TRAPPC8: variants seen among roughly 807,000 people sequenced by gnomAD.
The protein encoded by TRAPPC8 is general sporulation gene 1 homolog.
A neutral mutation model predicts 174.3 loss-of-function variants in TRAPPC8; 54 were observed. The ratio of observed to expected loss-of-function variants is 0.31; its 90% CI spans 0.25 to 0.39. The LOEUF is 0.39. TRAPPC8 is among the 10% of genes least tolerant of loss of function. The pLI is 1.00. For synonymous variants in TRAPPC8, 630 were observed against 579.9 expected (o/e 1.09, Z -1.24); for missense variants, 1,531 against 1,699.1 (o/e 0.90, Z 1.74).
In TRAPPC8 at chr18:31,890,886, G is replaced by A; in HGVS notation, c.1597-20C>T. 6.3e-7 allele frequency: 1 copy of A among 1,576,436 alleles called. No individual in the cohort carries two copies. The highest frequency in any genetic ancestry group is 8.6e-7 in the Non-Finnish European group (1 of 1,163,676). On this transcript the variant is annotated intron_variant, in intron 11 of 28. Coordinates refer to ENST00000283351, the MANE Select transcript of TRAPPC8 (RefSeq NM_014939.5). ...AGAATCCTAGTGAATGTTTAAAAGA[G>A]AAAAAGGTTAGTTTCACCAAGTTAA... is the stretch of plus-strand genomic sequence containing the variant.
intron 20 of TRAPPC8, among the ~76,000 whole-genome samples, chr18:31,857,322 G>A (rs2034074758): frequency 2.0e-5 from 3 of 152,130 alleles, no homozygotes; most frequent in Admixed American, 2.0e-4. Context: ...TTTACAGACA[G>A]AAGCAACTAA....
intron 12 of TRAPPC8, among the ~76,000 whole-genome samples, chr18:31,880,090 A>AAAAAAAAAAAAAAAT (rs1259899654): frequency 5.9e-5 from 5 of 85,358 alleles, no homozygotes; most frequent in African/African-American, 2.6e-4. Context: ...TGAAAAAAAA[A>AAAAAAAAAAAAAAAT]ATATATATAT....
rs1257877169 is a variant in TRAPPC8 at position 31,907,582 on chromosome 18, T to C, written c.1267A>G (p.Ile423Val). The C allele has an allele frequency of 1.2e-6, 2 of 1,611,148 alleles. No homozygotes were observed. The highest frequency in any genetic ancestry group is 8.5e-7 in the Non-Finnish European group (1 of 1,178,298). ...AAACATAAGTCAGCCATTTTCCTGA[T>C]TTGAAGTTCTGGTGCTTCCGGCGGA... The part of the protein sequence containing the change: ...LYPPEAPELQ[I>V]RKMADLCFLV... The change falls in exon 9 of 29, where the codon ATC becomes GTC. Residue 423 changes from isoleucine (I) to valine (V), a missense_variant. Ile to Val is a conservative substitution (Grantham distance 29). Transcript: ENST00000283351.
intron 16 of TRAPPC8, 73 bp downstream of exon 16, chr18:31,870,299 A>T: frequency 1.5e-6 from 2 of 1,373,370 alleles, no homozygotes; most frequent in Non-Finnish European, 2.0e-6. Flanking sequence ...TGAACAGAGT[A>T]CATTGAAATG....
At position 31,909,652 on chromosome 18, in the gene TRAPPC8, A is replaced by G. The variant is rs768741965; in HGVS notation, c.865+15T>C. On this transcript the variant is annotated intron_variant, in intron 6 of 28. Coordinates refer to ENST00000283351, the MANE Select transcript of TRAPPC8 (RefSeq NM_014939.5). ...TTTCAATCAAAAGAGAAACTTAGAG[A>G]AAATATATCAAGACCTTTGACTTCG... 1.9e-6 allele frequency: 3 copies of G among 1,586,348 alleles called. No individual in the cohort carries two copies. The highest frequency in any genetic ancestry group is 2.3e-5 in the South Asian group (2 of 85,500).
In TRAPPC8 at chr18:31,829,634, T is replaced by G. The variant is rs560395870; in HGVS notation, c.*1121A>C. The G allele has an allele frequency of 6.6e-6, 1 of 152,372 alleles. No individual in the cohort carries two copies. The highest frequency in any genetic ancestry group is 2.1e-4 in the South Asian group (1 of 4,832). 9.4% of individuals were successfully genotyped at this position (152,372 alleles called of 1,614,324 possible). A position where few individuals can be genotyped will look rare whatever the true frequency, so the allele number is the denominator to read the frequency against. ...GGGGTCTTTTGATCTCTCCCCACTT[T>G]GGTGCAGTCTGCTCCGATTAGTGCC... On this transcript the variant is annotated 3_prime_UTR_variant, in exon 29 of 29. Coordinates refer to ENST00000283351, the MANE Select transcript of TRAPPC8 (RefSeq NM_014939.5).
intron 4 of TRAPPC8, among the ~76,000 whole-genome samples, chr18:31,914,635 T>C (rs1478738205): frequency 1.3e-5 from 2 of 152,180 alleles, no homozygotes; most frequent in Non-Finnish European, 2.9e-5. Context: ...AATAAAAAGA[T>C]GGTGGTCCAT....
Position 31,916,321 on chromosome 18 carries a change from G to A in TRAPPC8, c.568C>T (p.Leu190Phe). The change falls in exon 4 of 29, where the codon CTT (leucine) becomes TTT (phenylalanine). Residue 190 changes from leucine (L) to phenylalanine (F), a missense_variant. Leu to Phe is a conservative substitution (Grantham distance 22). Transcript: ENST00000283351. ...SYPKWFIPNT[L>F]KYYVLLHDVS... is the part of the protein sequence containing the mutation. ...TCATGTAAAAGTACATAGTATTTAA[G>A]TGTATTTGGTATAAACCACTTGGGG... 6.2e-7 allele frequency: 1 copy of A among 1,611,418 alleles called. No homozygotes were observed.
At chr18:31,898,387 A>C (rs1273376457) in intron 10 of TRAPPC8, among the ~76,000 whole-genome samples, 1 of 152,228 alleles carries the variant, frequency 6.6e-6, no homozygotes, top group Non-Finnish European at 1.5e-5. Context: ...ACTTCTTATA[A>C]CTCATCAAAA....
chr18:31,919,123 A>C (rs2037266965), intron 2 of TRAPPC8, among the ~76,000 whole-genome samples: 1 of 152,232 alleles, frequency 6.6e-6, no homozygotes, highest in Non-Finnish European at 1.5e-5. Context: ...ATGCCTCATG[A>C]GAATGACCCA....
Position 31,876,489 on chromosome 18 carries a change from C to CAAAAAAAAAAA in TRAPPC8, c.1729-1796_1729-1786dup, listed in dbSNP as rs71175801. The stretch of plus-strand genomic sequence containing the variant: ...TGGGCTACACTGCGAGACTCCATCT[C>CAAAAAAAAAAA]AAAAAAAAAAAAAAAAAAAAAAAGA... On this transcript the variant is annotated intron_variant, in intron 12 of 28. Transcript: ENST00000283351. Among the ~76,000 whole-genome samples the CAAAAAAAAAAA allele has an allele frequency of 8.6e-3, 418 of 48,694 alleles. 71 individuals are homozygous for CAAAAAAAAAAA. Among genetic ancestry groups the CAAAAAAAAAAA allele is most frequent in the African/African-American group, 0.021 (227 of 10,614 alleles). 31.9% of individuals were successfully genotyped at this position (48,694 alleles called of 152,430 possible). A position where few individuals can be genotyped will look rare whatever the true frequency, so the allele number is the denominator to read the frequency against.
intron 12 of TRAPPC8, among the ~76,000 whole-genome samples, chr18:31,883,084 G>A (rs774396322): frequency 6.6e-6 from 1 of 151,120 alleles, no homozygotes; most frequent in East Asian, 2.0e-4. Flanking sequence ...TTAGCAAGGC[G>A]TGGTAGCGTG....
intron 22 of TRAPPC8, 107 bp downstream of exon 22, chr18:31,853,742 T>C (rs1452221589): frequency 1.2e-5 from 9 of 743,792 alleles, no homozygotes; most frequent in Non-Finnish European, 1.9e-5. Context: ...CACAATTTAA[T>C]GCTTAAAAAA....
intron 27 of TRAPPC8, among the ~76,000 whole-genome samples, chr18:31,837,015 G>C (rs527656018): frequency 1.3e-5 from 2 of 152,066 alleles, no homozygotes; most frequent in East Asian, 3.9e-4. Context: ...GCCCGCCTTG[G>C]CCTCCCAAAG....
At chr18:31,926,169 C>T (rs1174969857) in intron 2 of TRAPPC8, among the ~76,000 whole-genome samples, 2 of 151,954 alleles carry the variant, frequency 1.3e-5, no homozygotes, top group Admixed American at 6.6e-5. Context: ...TCCTTTCCCC[C>T]GATTAAAGTA....
At chr18:31,899,259 T>C (rs2036307997) in intron 10 of TRAPPC8, among the ~76,000 whole-genome samples, 3 of 152,220 alleles carry the variant, frequency 2.0e-5, no homozygotes, top group Admixed American at 2.0e-4. Flanking sequence ...TTATCCCATA[T>C]GGTCAATTAC....
At chr18:31,900,139 C>T (rs2036355709) in intron 10 of TRAPPC8, among the ~76,000 whole-genome samples, 1 of 152,136 alleles carries the variant, frequency 6.6e-6, no homozygotes, top group Admixed American at 6.5e-5. Flanking sequence ...AAGGCTGGGA[C>T]AGGAGAATCA....
chr18:31,910,452 G>T (rs1277091598), intron 5 of TRAPPC8, among the ~76,000 whole-genome samples: 1 of 152,066 alleles, frequency 6.6e-6, no homozygotes, highest in Admixed American at 6.6e-5. Flanking sequence ...CAGAAACTAG[G>T]CATATTTAGA....
chr18:31,934,705 T>C (rs2038003963), intron 1 of TRAPPC8, among the ~76,000 whole-genome samples: 1 of 151,788 alleles, frequency 6.6e-6, no homozygotes. Context: ...CCGTCTCTAC[T>C]AAAAATACAA....
Sources: gnomAD v4.1 joint callset for allele counts (sites outside exome capture counted in the v4.1 genomes callset) on GRCh38, gnomAD v4.1.1 for gene constraint, MANE v1.5 for transcripts, NCBI Gene and HGNC (gene_info 2026-07-23, HGNC 2026-07-21) for gene names.